The following NCOA2 variants were observed in gnomAD, a reference collection of about 807,000 sequenced individuals.
NCOA2 encodes the protein class E basic helix-loop-helix protein 75.
A neutral mutation model predicts 145.1 loss-of-function variants in NCOA2; 21 were observed. That is an observed-to-expected ratio of 0.14 (90% CI 0.10 to 0.21). The LOEUF is 0.21. NCOA2 is among the 10% of genes least tolerant of loss of function. NCOA2 has a pLI of 1.00. For synonymous variants in NCOA2, 619 were observed against 637.5 expected (o/e 0.97, Z 0.44); for missense variants, 1,472 against 1,837.6 (o/e 0.80, Z 3.64).
intron 15 of NCOA2, among the ~76,000 whole-genome samples, chr8:70,132,767 T>C (rs907596005): frequency 6.6e-6 from 1 of 152,196 alleles, no homozygotes; most frequent in Non-Finnish European, 1.5e-5. Context: ...CGTTTCGCCA[T>C]GTTACCCACA....
chr8:70,282,645 G>A (rs1169959032), intron 2 of NCOA2, among the ~76,000 whole-genome samples: 1 of 148,614 alleles, frequency 6.7e-6, no homozygotes, highest in Non-Finnish European at 1.5e-5. Context: ...CTGAGATCGT[G>A]CCATTGTACT....
intron 6 of NCOA2, among the ~76,000 whole-genome samples, chr8:70,169,741 CTACT>C (rs1814015600): frequency 6.6e-6 from 1 of 152,048 alleles, no homozygotes. Flanking sequence ...ATATATACAC[CTACT>C]ATGTATGCAC....
At chr8:70,299,457 T>C (rs1827329876) in intron 1 of NCOA2, among the ~76,000 whole-genome samples, 1 of 152,222 alleles carries the variant, frequency 6.6e-6, no homozygotes, top group South Asian at 2.1e-4. Flanking sequence ...GGCATGTATC[T>C]AGAATATATA....
chr8:70,207,849 C>T (rs1379182504), intron 4 of NCOA2, among the ~76,000 whole-genome samples: 1 of 129,386 alleles, frequency 7.7e-6, no homozygotes, highest in African/African-American at 3.1e-5. Flanking sequence ...GGTGACAGAG[C>T]CTGACTCCAC....
At chr8:70,181,277 G>C (rs150153038) in intron 4 of NCOA2, among the ~76,000 whole-genome samples, 2 of 152,172 alleles carry the variant, frequency 1.3e-5, no homozygotes, top group Non-Finnish European at 2.9e-5. Context: ...GCTATTAAAT[G>C]TCTCCCATTA....
At chr8:70,438,062 T>C in the NCOA2 span, among the ~76,000 whole-genome samples, 1 of 152,232 alleles carries the variant, frequency 6.6e-6, no homozygotes, top group Admixed American at 6.5e-5. Flanking sequence ...TTTTTCATTT[T>C]CATCCGATTG....
intron 2 of NCOA2, among the ~76,000 whole-genome samples, chr8:70,224,333 T>C (rs1820416064): frequency 6.6e-6 from 1 of 152,266 alleles, no homozygotes; most frequent in Admixed American, 6.5e-5. Context: ...GAAATGGTAA[T>C]TGGTTAATTT....
rs76355912 is a variant in NCOA2, at chr8:70,218,854, T to C, written c.-19-2090A>G. On this transcript the variant is annotated intron_variant, in intron 2 of 22. Coordinates refer to ENST00000452400, the MANE Select transcript of NCOA2 (RefSeq NM_006540.4). Reference sequence around the variant, plus strand: ...ATATACAGCATAGCAAAATGCCCTATATAGTAGGTATAGGTGACAAGTTTT... The same window carrying C: ...ATATACAGCATAGCAAAATGCCCTACATAGTAGGTATAGGTGACAAGTTTT... 9.3e-4 allele frequency among the ~76,000 whole-genome samples: 142 copies of C among 152,300 alleles called. No individual in the cohort carries two copies. The East Asian group carries it at 0.024, about 26-fold the overall frequency.
intron 1 of NCOA2, among the ~76,000 whole-genome samples, chr8:70,369,362 C>A (rs771399466): frequency 1.3e-5 from 2 of 152,170 alleles, no homozygotes; most frequent in Non-Finnish European, 2.9e-5. Flanking sequence ...ATTAATCTGG[C>A]TTTCTAAGTT....
chr8:70,455,484 T>C, the NCOA2 span, among the ~76,000 whole-genome samples: 1 of 152,234 alleles, frequency 6.6e-6, no homozygotes, highest in Admixed American at 6.5e-5. Context: ...TATTTGTTCT[T>C]GAACTATGGG....
intron 2 of NCOA2, among the ~76,000 whole-genome samples, chr8:70,231,737 A>C (rs1285460594): frequency 2.0e-5 from 3 of 152,110 alleles, no homozygotes; most frequent in Non-Finnish European, 4.4e-5. Flanking sequence ...TGTAGTGGGG[A>C]TAGTAGGTGG....
intron 2 of NCOA2, among the ~76,000 whole-genome samples, chr8:70,258,184 T>A (rs369290648): frequency 2.4e-3 from 366 of 152,364 alleles, no homozygotes; most frequent in Middle Eastern, 0.017. Context: ...CCCAAAGTGC[T>A]GGGATTACAG....
intron 1 of NCOA2, among the ~76,000 whole-genome samples, chr8:70,392,488 G>A (rs1387118099): frequency 6.6e-6 from 1 of 152,228 alleles, no homozygotes; most frequent in Non-Finnish European, 1.5e-5. Context: ...TTTTACAAGT[G>A]TTGCCACAAG....
intron 1 of NCOA2, among the ~76,000 whole-genome samples, chr8:70,312,822 T>G (rs1805251083): frequency 6.6e-6 from 1 of 151,778 alleles, no homozygotes; most frequent in Non-Finnish European, 1.5e-5. Context: ...GTAAAAAATC[T>G]TCTCGTAATC....
At chr8:70,287,214 G>A (rs559128379) in intron 2 of NCOA2, among the ~76,000 whole-genome samples, 1 of 151,950 alleles carries the variant, frequency 6.6e-6, no homozygotes, top group Non-Finnish European at 1.5e-5. Context: ...ACTGCACTTC[G>A]GCCTGGGTGA....
At chr8:70,390,768 T>TA (rs1184036282) in intron 1 of NCOA2, among the ~76,000 whole-genome samples, 3 of 152,024 alleles carry the variant, frequency 2.0e-5, no homozygotes, top group Admixed American at 1.3e-4. Context: ...ACCCTGTCTC[T>TA]AAAACAACAA....
chr8:70,304,615 G>A (rs1261092707), intron 1 of NCOA2, among the ~76,000 whole-genome samples: 14 of 151,630 alleles, frequency 9.2e-5, no homozygotes, highest in African/African-American at 2.7e-4. Flanking sequence ...ACAGGTGCCC[G>A]CCACCATGCC....
intron 4 of NCOA2, among the ~76,000 whole-genome samples, chr8:70,180,326 T>C (rs541279600): frequency 6.6e-6 from 1 of 152,338 alleles, no homozygotes; most frequent in African/African-American, 2.4e-5. Flanking sequence ...ACTCGCCTTT[T>C]CCTCCTGGGT....
At chr8:70,196,344 C>G (rs1455336691) in intron 4 of NCOA2, among the ~76,000 whole-genome samples, 1 of 152,088 alleles carries the variant, frequency 6.6e-6, no homozygotes, top group Non-Finnish European at 1.5e-5. Context: ...CCATTGCACT[C>G]CAGCCTGGGC....
Sources: allele counts gnomAD v4.1 joint callset (sites outside exome capture counted in the v4.1 genomes callset), GRCh38; gene constraint gnomAD v4.1.1; transcripts MANE v1.5; gene names NCBI Gene and HGNC (gene_info 2026-07-23, HGNC 2026-07-21).